TUB: variants seen among roughly 807,000 people sequenced by gnomAD.
TUB encodes the protein tubby protein homolog.
A neutral mutation model predicts 59.7 loss-of-function variants in TUB; 33 were observed. The observed-to-expected ratio is 0.55, with a 90% CI of 0.42 to 0.74. TUB has a LOEUF of 0.74. TUB is among the 30% of genes least tolerant of loss of function. The pLI is 0.00. For missense variants in TUB, 659 were observed against 672.0 expected (o/e 0.98, Z 0.21); for synonymous variants, 293 against 256.4 (o/e 1.14, Z -1.36).
chr11:8,098,597 T>G (rs1020199506), intron 8 of TUB, among the ~76,000 whole-genome samples, 161 bp from the exon 9 acceptor site: 5 of 152,190 alleles, frequency 3.3e-5, no homozygotes, highest in African/African-American at 1.2e-4. Flanking sequence ...GCCCACGAAG[T>G]GTCTTCAAAG....
chr11:8,068,191 G>C (rs7113683), intron 2 of TUB: 148,393 of 152,452 alleles, frequency 0.97, 72,348 homozygotes, highest in Middle Eastern at 1. Context: ...AGCCCAGGCT[G>C]TCTGGCCTCA....
chr11:8,075,181 A>G (rs1943429435), intron 2 of TUB, among the ~76,000 whole-genome samples: 1 of 152,136 alleles, frequency 6.6e-6, no homozygotes, highest in Non-Finnish European at 1.5e-5. Flanking sequence ...TTCCCCTATT[A>G]GCAATAAAGT....
chr11:8,097,544 G>T lies in TUB; in HGVS notation c.885+119G>T, dbSNP rs1564923370. 4 of 1,431,210 alleles carry T rather than the reference G, an allele frequency of 2.8e-6. No homozygotes were observed. In the Admixed American group the frequency reaches 5.3e-5, roughly 19 times the overall value. 88.7% of individuals were successfully genotyped at this position (1,431,210 alleles called of 1,614,324 possible). A position where few individuals can be genotyped will look rare whatever the true frequency, so the allele number is the denominator to read the frequency against. On this transcript the variant is annotated intron_variant, in intron 7 of 11. Coordinates refer to ENST00000299506, the MANE Select transcript of TUB (RefSeq NM_177972.3). Reference sequence around the variant, plus strand: ...GACCTCTCAGTTCCTCAAAGAAACTGCCTTCGTGTCTGGTCTGTGCACATC... The same window carrying T: ...GACCTCTCAGTTCCTCAAAGAAACTTCCTTCGTGTCTGGTCTGTGCACATC...
At chr11:8,073,706 C>T (rs1284689988) in intron 2 of TUB, among the ~76,000 whole-genome samples, 3 of 152,228 alleles carry the variant, frequency 2.0e-5, no homozygotes, top group Non-Finnish European at 4.4e-5. Flanking sequence ...GAGCGCTCAG[C>T]CTCAGAACCA....
At chr11:8,060,559 G>T (rs916327662) in intron 2 of TUB, among the ~76,000 whole-genome samples, 1 of 152,174 alleles carries the variant, frequency 6.6e-6, no homozygotes, top group Non-Finnish European at 1.5e-5. Flanking sequence ...GACCATACCA[G>T]TGATTTTCAA....
intron 2 of TUB, chr11:8,075,561 T>C (rs1283168452): frequency 6.6e-6 from 1 of 152,250 alleles, no homozygotes. Flanking sequence ...AAGCAAACTT[T>C]ATTTTTGTCT....
At chr11:8,029,685 A>C (rs1186330379) in intron 1 of TUB, among the ~76,000 whole-genome samples, 1 of 152,080 alleles carries the variant, frequency 6.6e-6, no homozygotes, top group African/African-American at 2.4e-5. Flanking sequence ...CACCACACCC[A>C]GCCTGTCTGA....
chr11:8,096,977 A>G (rs1195166168), intron 6 of TUB, among the ~76,000 whole-genome samples, 171 bp downstream of exon 6: 2 of 152,054 alleles, frequency 1.3e-5, no homozygotes, highest in Non-Finnish European at 2.9e-5. Flanking sequence ...AGGGTGATGT[A>G]TGGGGGGAGA....
chr11:8,065,626 G>A (rs999411890), intron 2 of TUB, among the ~76,000 whole-genome samples: 3 of 152,322 alleles, frequency 2.0e-5, no homozygotes, highest in Middle Eastern at 3.4e-3. Context: ...GCAGAGTTGA[G>A]TGTATCTGTG....
upstream of TUB, among the ~76,000 whole-genome samples, chr11:8,081,139 G>T (rs1236225355): frequency 6.6e-6 from 1 of 151,058 alleles, no homozygotes; most frequent in Non-Finnish European, 1.5e-5. Context: ...GAGCCGGCCG[G>T]GGGGTGGGGT....
chr11:8,073,403 T>C (rs1215501160), intron 2 of TUB, among the ~76,000 whole-genome samples: 1 of 152,234 alleles, frequency 6.6e-6, no homozygotes, highest in Non-Finnish European at 1.5e-5. Context: ...TTAATATGCA[T>C]TTCACATTTT....
At chr11:8,033,669 C>T (rs370461533), upstream of TUB, among the ~76,000 whole-genome samples, 1 of 152,376 alleles carries the variant, frequency 6.6e-6, no homozygotes, top group East Asian at 1.9e-4. Context: ...CAACCCAGGG[C>T]CTGGCACGGC....
chr11:8,093,246 G>A (rs1943839093), intron 3 of TUB, among the ~76,000 whole-genome samples: 1 of 152,014 alleles, frequency 6.6e-6, no homozygotes, highest in Non-Finnish European at 1.5e-5. Flanking sequence ...ATCACTGAGG[G>A]GGGCGAGGGG....
chr11:8,067,520 G>A (rs2133789350), intron 2 of TUB: 1 of 152,342 alleles, frequency 6.6e-6, no homozygotes, highest in Non-Finnish European at 1.5e-5. Flanking sequence ...ATTATTTTGT[G>A]CCTAACAAAA....
chr11:8,021,396 G>T (rs1246459268), intron 1 of TUB, among the ~76,000 whole-genome samples: 5 of 151,612 alleles, frequency 3.3e-5, no homozygotes, highest in Non-Finnish European at 7.4e-5. Context: ...CTTGAGCCGG[G>T]GAGGCGGAGC....
At chr11:8,054,796 C>T (rs549932697) in intron 2 of TUB, among the ~76,000 whole-genome samples, 12 of 152,160 alleles carry the variant, frequency 7.9e-5, no homozygotes, top group Non-Finnish European at 8.8e-5. Context: ...GGTGTATGTT[C>T]CTGTGTTACT....
At chr11:8,072,492 C>T (rs1259367798) in intron 2 of TUB, among the ~76,000 whole-genome samples, 1 of 152,176 alleles carries the variant, frequency 6.6e-6, no homozygotes, top group East Asian at 1.9e-4. Flanking sequence ...AATAGCTCCT[C>T]GGGGAGCTGC....
chr11:8,071,754 A>G (rs148422993), intron 2 of TUB, among the ~76,000 whole-genome samples: 15 of 152,278 alleles, frequency 9.9e-5, no homozygotes, highest in Non-Finnish European at 1.9e-4. Context: ...TGTGCGGTGC[A>G]GGGCCAGGAG....
At chr11:8,095,427 A>G (rs974302426) in intron 4 of TUB, 71 bp from the exon 5 acceptor site, 11 of 1,509,232 alleles carry the variant, frequency 7.3e-6, no homozygotes, top group Non-Finnish European at 7.2e-6. Context: ...CATCCCCTTC[A>G]TGGACGTCTG....
Sources: gnomAD v4.1 joint callset for allele counts (sites outside exome capture counted in the v4.1 genomes callset) on GRCh38, gnomAD v4.1.1 for gene constraint, MANE v1.5 for transcripts, NCBI Gene and HGNC (gene_info 2026-07-23, HGNC 2026-07-21) for gene names.